The following GATM variants were observed in gnomAD, a reference collection of about 807,000 sequenced individuals.
GATM encodes the protein glycine amidinotransferase, also known as glycine amidinotransferase, mitochondrial.
Under a neutral mutation model 54.2 loss-of-function variants are expected in GATM, and 23 were observed. The ratio of observed to expected loss-of-function variants is 0.42; its 90% CI spans 0.31 to 0.60. The LOEUF (loss-of-function observed/expected upper bound fraction) is 0.60. GATM is among the 20% of genes least tolerant of loss of function. GATM has a pLI of 0.14. For missense variants in GATM, 401 were observed against 544.9 expected, an observed-to-expected ratio of 0.74 and a Z score of 2.63; for synonymous variants, 168 against 183.1, an observed-to-expected ratio of 0.92 and a Z score of 0.67.
intron 2 of GATM, among the ~76,000 whole-genome samples, chr15:45,371,069 G>A (rs1326489026): frequency 1.3e-5 from 2 of 152,142 alleles, no homozygotes; most frequent in Admixed American, 6.5e-5. Context: ...CACCATGCCC[G>A]GCCAAAATAT....
At chr15:45,388,179 A>G (rs931853496) in intron 3 of GATM, among the ~76,000 whole-genome samples, 2 of 152,176 alleles carry the variant, frequency 1.3e-5, no homozygotes, top group African/African-American at 4.8e-5. Flanking sequence ...TTAAGTAGGT[A>G]TTCTGCACAA....
At chr15:45,396,510 A>G (rs185725358) in intron 3 of GATM, among the ~76,000 whole-genome samples, 1 of 152,308 alleles carries the variant, frequency 6.6e-6, no homozygotes, top group African/African-American at 2.4e-5. Context: ...AATAGAAAAG[A>G]GTAGATGAAT....
In GATM at chr15:45,364,890, G is replaced by A. The variant is rs377478993; in HGVS notation, c.979-30C>T. The A allele has an allele frequency of 3.6e-4, 570 of 1,579,812 alleles. 1 individual carries two copies. Among genetic ancestry groups the A allele is most frequent in the Non-Finnish European group, 4.5e-4 (514 of 1,149,234 alleles). ...AAGACCAAAAAAAACCCCCAAAACC[G>A]TTAAATCTACATATACTATTATTAT... On this transcript the variant is annotated intron_variant, in intron 6 of 8. Transcript: ENST00000396659.
At chr15:45,363,751 T>G (rs1487860265) in intron 8 of GATM, 149 bp downstream of exon 8, 6 of 651,496 alleles carry the variant, frequency 9.2e-6, no homozygotes, top group South Asian at 7.1e-5. Context: ...ATAAAAATAC[T>G]GACTTTCTGT....
chr15:45,369,268 A>T (rs1595483644), intron 3 of GATM, 58 bp downstream of exon 3: 9 of 1,502,220 alleles, frequency 6.0e-6, no homozygotes, highest in Non-Finnish European at 8.3e-6. Context: ...CCCCTTACAC[A>T]TTAAGAAAGA....
In GATM at chr15:45,378,406, C is replaced by A. The variant is rs587780951; in HGVS notation, c.48G>T (p.Ala16=). The A allele has an allele frequency of 4.2e-5, 63 of 1,506,410 alleles. No homozygotes were observed. Among genetic ancestry groups the A allele is most frequent in the Non-Finnish European group, 5.3e-5 (60 of 1,134,312 alleles). 93.3% of individuals were successfully genotyped at this position (1,506,410 alleles called of 1,614,324 possible). A position where few individuals can be genotyped will look rare whatever the true frequency, so the allele number is the denominator to read the frequency against. ...GCACCCGAGATCCGATGTAGTGCAC[C>A]GCCTCGGCGCCGCGGCTCCCGCCGC... The part of the protein sequence containing the change: ...CLRGGSRGAE[A]VHYIGSRLGR... The change falls in exon 1 of 9, where the codon GCG becomes GCT. Residue 16 remains alanine, a synonymous_variant. Transcript: ENST00000396659.
rs1405449893 is a variant in GATM at position 45,368,523 on chromosome 15, G to A, written c.485-263C>T. Among the ~76,000 whole-genome samples the A allele has an allele frequency of 6.6e-6, 1 of 152,036 alleles. No individual in the cohort carries two copies. Among genetic ancestry groups the A allele is most frequent in the Non-Finnish European group, 1.5e-5 (1 of 68,022 alleles). On this transcript the variant is annotated intron_variant, in intron 3 of 8. Coordinates refer to ENST00000396659, the MANE Select transcript of GATM (RefSeq NM_001482.3). The surrounding 1 kb of genome is among the most constrained non-coding windows in gnomAD (Gnocchi z 5.1). ...AGCTACTCGGGAGACTGAGGCAGGAGAATCACTTGAACCAAGAGGCAAAGG... is the reference window on the plus strand; with the variant it reads ...AGCTACTCGGGAGACTGAGGCAGGAAAATCACTTGAACCAAGAGGCAAAGG...
chr15:45,376,293 T>A (rs1889632030), intron 2 of GATM, among the ~76,000 whole-genome samples: 2 of 152,138 alleles, frequency 1.3e-5, no homozygotes, highest in South Asian at 4.1e-4. Flanking sequence ...AGAAGGGGGC[T>A]GAAAGTAATA....
At chr15:45,378,770 C>T (rs536039429), upstream of GATM, 1 of 310,710 alleles carries the variant, frequency 3.2e-6, no homozygotes, top group South Asian at 7.4e-5. Context: ...GGACCCAGAC[C>T]CGAGCGTCGC....
intron 3 of GATM, among the ~76,000 whole-genome samples, chr15:45,388,775 C>G (rs1442921756): frequency 6.6e-6 from 1 of 152,024 alleles, no homozygotes; most frequent in African/African-American, 2.4e-5. Flanking sequence ...TTAACCCTGT[C>G]ATTTGCTTAA....
In GATM at chr15:45,364,930, A is replaced by G. The variant is rs147595749; in HGVS notation, c.979-70T>C. On this transcript the variant is annotated intron_variant, in intron 6 of 8. Transcript: ENST00000396659. ...ACTATTATTATTATTAGTCTCTAAT[A>G]GCCCTTATCAGTAATAATTCTCTTT... 558 of 1,203,516 alleles carry G rather than the reference A, an allele frequency of 4.6e-4. 1 individual carries two copies. In the African/African-American group the frequency reaches 4.7e-3, roughly 10 times the overall value. 74.6% of individuals were successfully genotyped at this position (1,203,516 alleles called of 1,614,324 possible).
chr15:45,378,300 G>C (rs956137862), intron 1 of GATM, 85 bp downstream of exon 1: 2 of 1,073,568 alleles, frequency 1.9e-6, no homozygotes, highest in Non-Finnish European at 1.3e-6. Context: ...TGGCGGCTCC[G>C]GGCAGGGAGC....
chr15:45,387,359 AG>A (rs1889815128), intron 3 of GATM, among the ~76,000 whole-genome samples: 1 of 152,234 alleles, frequency 6.6e-6, no homozygotes, highest in African/African-American at 2.4e-5. Context: ...ATTTACAAAC[AG>A]CCAATGAAGA....
chr15:45,365,904 A>T (rs1285535869), intron 6 of GATM, 142 bp downstream of exon 6: 7 of 767,184 alleles, frequency 9.1e-6, no homozygotes, highest in Non-Finnish European at 1.4e-5. Flanking sequence ...AAGGAATCCA[A>T]TGTTTGATCA....
At chr15:45,393,044 C>T (rs967860577) in intron 3 of GATM, among the ~76,000 whole-genome samples, 1 of 152,156 alleles carries the variant, frequency 6.6e-6, no homozygotes, top group Non-Finnish European at 1.5e-5. Flanking sequence ...CTGGCAGTAG[C>T]CAAGTGCATT....
chr15:45,385,490 T>A (rs1395465873), intron 3 of GATM, among the ~76,000 whole-genome samples: 2 of 152,234 alleles, frequency 1.3e-5, no homozygotes, highest in African/African-American at 4.8e-5. Flanking sequence ...CTTAAGTGAA[T>A]GAATAAATTT....
At chr15:45,378,303 C>T (rs1272766188) in intron 1 of GATM, 82 bp downstream of exon 1, 2 of 1,108,522 alleles carry the variant, frequency 1.8e-6, no homozygotes, top group Non-Finnish European at 2.5e-6. Flanking sequence ...CGGCTCCGGG[C>T]AGGGAGCGAG....
rs1355250978 is a variant in GATM, at chr15:45,378,381, G to C, written c.69+4C>G. 2 of 1,517,912 alleles carry C rather than the reference G, an allele frequency of 1.3e-6. No individual in the cohort carries two copies. The highest frequency in any genetic ancestry group is 2.0e-5 in the Admixed American group (1 of 49,506). 94.0% of individuals were successfully genotyped at this position (1,517,912 alleles called of 1,614,324 possible). On this transcript the variant is annotated splice_donor_region_variant and intron_variant, in intron 1 of 8. Coordinates refer to ENST00000396659, the MANE Select transcript of GATM (RefSeq NM_001482.3). ...CCGCCAGACGAGGCCGGTGGCGCAC[G>C]CACCCGAGATCCGATGTAGTGCACC... is the stretch of plus-strand genomic sequence containing the variant.
intron 7 of GATM, 112 bp downstream of exon 7, chr15:45,364,685 T>C: frequency 1.0e-6 from 1 of 972,250 alleles, no homozygotes; most frequent in Non-Finnish European, 1.6e-6. Context: ...CACACCTTAC[T>C]GAGGAAACAC....
Sources: gnomAD v4.1 joint callset for allele counts (sites outside exome capture counted in the v4.1 genomes callset) on GRCh38, gnomAD v4.1.1 for gene constraint, Gnocchi (gnomAD v3.1) non-coding constraint, MANE v1.5 for transcripts, NCBI Gene and HGNC (gene_info 2026-07-23, HGNC 2026-07-21) for gene names.